Variants in PKHD1 observed in about 807,000 individuals in gnomAD.
PKHD1 encodes PKHD1 ciliary IPT domain containing fibrocystin/polyductin.
In PKHD1, 291 loss-of-function variants were observed where a neutral mutation model predicts 412.0. The observed-to-expected ratio is 0.71, with a 90% CI of 0.64 to 0.78. The LOEUF (loss-of-function observed/expected upper bound fraction) is 0.78, where lower values mean the gene tolerates loss of function less well. Among genes scored for constraint, PKHD1 ranks in the 30% least tolerant of loss-of-function variants. PKHD1 has a pLI of 0.00. For synonymous variants in PKHD1, 1,777 were observed against 1,821.5 expected (o/e 0.98, Z 0.62); for missense variants, 4,825 against 4,950.7 (o/e 0.97, Z 0.76).
intron 55 of PKHD1, among the ~76,000 whole-genome samples, chr6:51,765,792 C>T (rs1036878238): frequency 6.6e-6 from 1 of 152,132 alleles, no homozygotes; most frequent in African/African-American, 2.4e-5. Context: ...GCAATCTCTT[C>T]TATATGTCTA....
rs535468257 is a variant in PKHD1, at chr6:52,032,075, C to T, written c.3364+955G>A. The stretch of plus-strand genomic sequence containing the variant: ...GAATCTGTACCACTAAGGAATTTTA[C>T]ACACTTCAGTCACCTGGGGCAGCAA... On this transcript the variant is annotated intron_variant, in intron 29 of 66. Transcript: ENST00000371117. 7.9e-5 allele frequency among the ~76,000 whole-genome samples: 12 copies of T among 152,298 alleles called. No homozygotes were observed. In the South Asian group the frequency reaches 2.5e-3, roughly 32 times the overall value.
At chr6:51,985,431 T>A (rs542889101) in intron 35 of PKHD1, among the ~76,000 whole-genome samples, 3 of 152,164 alleles carry the variant, frequency 2.0e-5, no homozygotes, top group Admixed American at 1.3e-4. Context: ...GAATGAATGT[T>A]ATAAAAAAGA....
chr6:52,045,161 A>G (rs967188321), intron 24 of PKHD1, 73 bp from the exon 25 acceptor site: 86 of 1,457,004 alleles, frequency 5.9e-5, no homozygotes, highest in African/African-American at 1.4e-5. Flanking sequence ...AATAATAAAG[A>G]GTTTTTTCAC....
Position 52,070,622 on chromosome 6 carries a change from A to G in PKHD1, c.668-177T>C, listed in dbSNP as rs540767079. Among the ~76,000 whole-genome samples, 424 of 152,294 alleles carry G rather than the reference A, an allele frequency of 2.8e-3. 2 individuals are homozygous for G. Among genetic ancestry groups the G allele is most frequent in the African/African-American group, 9.5e-3 (395 of 41,570 alleles). On this transcript the variant is annotated intron_variant, in intron 9 of 66. Coordinates refer to ENST00000371117, the MANE Select transcript of PKHD1 (RefSeq NM_138694.4). ...AACAAACAAAAAAACAAAAACAAAA[A>G]AAAAACACCTCATAAGTTTAGCATC... is the stretch of plus-strand genomic sequence containing the variant.
In PKHD1 at chr6:52,055,636, AGGACAAGGTGTCGAGGCTGAC is replaced by A. The variant is rs745731220; in HGVS notation, c.1766_1786del (p.Arg589_Val595del). The A allele has an allele frequency of 2.5e-6, 4 of 1,613,996 alleles. No homozygotes were observed. In the East Asian group the frequency reaches 6.7e-5, roughly 27 times the overall value. ...GCCCTTCTGGGCAGCCGGGGGAGTA[AGGACAAGGTGTCGAGGCTGAC>A]GGAGGCTGAACCTGCCACAGAAGGG... On this transcript the variant is annotated inframe_deletion, in exon 19 of 67. Coordinates refer to ENST00000371117, the MANE Select transcript of PKHD1 (RefSeq NM_138694.4).
chr6:51,637,631 C>T (rs1004869637), intron 64 of PKHD1, among the ~76,000 whole-genome samples: 1 of 151,040 alleles, frequency 6.6e-6, no homozygotes, highest in African/African-American at 2.4e-5. Flanking sequence ...CCAGGCTGGG[C>T]GTGGTGACTG....
At chr6:51,766,573 T>A (rs1193063710) in intron 55 of PKHD1, among the ~76,000 whole-genome samples, 1 of 150,532 alleles carries the variant, frequency 6.6e-6, no homozygotes, top group African/African-American at 2.4e-5. Flanking sequence ...TTTTGTGGCT[T>A]ACATATTCAA....
chr6:51,941,059 C>T (rs1174123797), intron 36 of PKHD1, among the ~76,000 whole-genome samples: 2 of 151,028 alleles, frequency 1.3e-5, no homozygotes, highest in Non-Finnish European at 3.0e-5. Flanking sequence ...TTGTATCCCC[C>T]CCCACCTTAA....
At chr6:51,903,500 T>A (rs997927219) in intron 43 of PKHD1, 97 bp downstream of exon 43, 56 of 981,866 alleles carry the variant, frequency 5.7e-5, no homozygotes, top group South Asian at 1.4e-4. Flanking sequence ...ATTCTTCCAA[T>A]GTGGCCCAGG....
At chr6:51,668,715 G>T (rs551891751) in intron 60 of PKHD1, among the ~76,000 whole-genome samples, 1 of 152,158 alleles carries the variant, frequency 6.6e-6, no homozygotes, top group African/African-American at 2.4e-5. Context: ...TTTGAGATAC[G>T]TCCCATCAAT....
chr6:51,985,711 A>T (rs1796120956), intron 35 of PKHD1, among the ~76,000 whole-genome samples: 1 of 152,238 alleles, frequency 6.6e-6, no homozygotes, highest in Non-Finnish European at 1.5e-5. Flanking sequence ...CCTGGGCAAC[A>T]GAGTGAGAAT....
chr6:51,833,925 G>A (rs1768717514), intron 51 of PKHD1, among the ~76,000 whole-genome samples: 1 of 152,088 alleles, frequency 6.6e-6, no homozygotes, highest in Non-Finnish European at 1.5e-5. Flanking sequence ...ATTTTGGTCT[G>A]GACCAACACT....
intron 60 of PKHD1, among the ~76,000 whole-genome samples, chr6:51,665,924 T>C (rs1359302502): frequency 6.6e-6 from 1 of 151,670 alleles, no homozygotes; most frequent in African/African-American, 2.4e-5. Context: ...GGGCAGAGAG[T>C]GTAAGCACAG....
chr6:51,902,492 A>G (rs186003543), intron 43 of PKHD1, among the ~76,000 whole-genome samples: 14 of 152,220 alleles, frequency 9.2e-5, no homozygotes, highest in Admixed American at 2.0e-4. Context: ...CTGTGCTTGG[A>G]ACAAACATAA....
intron 49 of PKHD1, 135 bp from the exon 50 acceptor site, chr6:51,848,105 C>A: frequency 1.4e-6 from 1 of 690,282 alleles, no homozygotes; most frequent in Non-Finnish European, 2.6e-6. Flanking sequence ...ACAATTTAGA[C>A]CCAGATTGTA....
chr6:51,674,465 C>T (rs2150523556), intron 60 of PKHD1, among the ~76,000 whole-genome samples: 1 of 152,176 alleles, frequency 6.6e-6, no homozygotes, highest in East Asian at 1.9e-4. Context: ...ACTTCCCTTC[C>T]CTAAAACTTT....
chr6:51,943,911 A>C (rs1789007580), intron 36 of PKHD1, among the ~76,000 whole-genome samples: 1 of 151,274 alleles, frequency 6.6e-6, no homozygotes, highest in Non-Finnish European at 1.5e-5. Context: ...TACCACCCCC[A>C]AAAATTTTCA....
chr6:51,791,131 T>C (rs1793668616), intron 53 of PKHD1, 105 bp downstream of exon 53: 6 of 1,196,854 alleles, frequency 5.0e-6, no homozygotes, highest in East Asian at 2.3e-5. Flanking sequence ...TAACCCTCCC[T>C]AAACTCTGTT....
intron 55 of PKHD1, among the ~76,000 whole-genome samples, chr6:51,760,408 T>G (rs1787800352): frequency 6.6e-6 from 1 of 152,144 alleles, no homozygotes; most frequent in Admixed American, 6.6e-5. Context: ...TTAAACATCT[T>G]AGTGTTATGC....
Sources: allele counts gnomAD v4.1 joint callset (sites outside exome capture counted in the v4.1 genomes callset), GRCh38; gene constraint gnomAD v4.1.1; transcripts MANE v1.5; gene names NCBI Gene and HGNC (gene_info 2026-07-23, HGNC 2026-07-21).